PRDM5: variants seen among roughly 807,000 people sequenced by gnomAD.
PRDM5 encodes PR domain zinc finger protein 5.
A neutral mutation model predicts 81.2 loss-of-function variants in PRDM5; 56 were observed. The ratio of observed to expected loss-of-function variants is 0.69; its 90% CI spans 0.56 to 0.86. PRDM5 has a LOEUF of 0.86. Among genes scored for constraint, PRDM5 ranks in the 40% least tolerant of loss-of-function variants. The pLI, the probability that PRDM5 is intolerant of heterozygous loss-of-function variation, is 0.00. For synonymous variants in PRDM5, 267 were observed against 256.4 expected (o/e 1.04, Z -0.39); for missense variants, 697 against 770.1 (o/e 0.91, Z 1.12).
At chr4:120,747,658 C>T (rs1246721330) in intron 14 of PRDM5, among the ~76,000 whole-genome samples, 1 of 152,072 alleles carries the variant, frequency 6.6e-6, no homozygotes, top group Non-Finnish European at 1.5e-5. Flanking sequence ...CCCAGACCTA[C>T]ATCTGAACAA....
chr4:120,888,136 C>G (rs1196512057), intron 2 of PRDM5, among the ~76,000 whole-genome samples: 1 of 152,164 alleles, frequency 6.6e-6, no homozygotes, highest in African/African-American at 2.4e-5. Flanking sequence ...TTTAACTAAA[C>G]TTTTTATTGA....
rs148928719 is a variant in PRDM5 at position 120,719,906 on chromosome 4, T to C, written c.1624-9493A>G. ...ATCAGGGGTTTTGTCTTTCTCTATC[T>C]AGGGGAACTATTTTTGATATCAGGA... is the stretch of plus-strand genomic sequence containing the variant. On this transcript the variant is annotated intron_variant, in intron 14 of 15. Coordinates refer to ENST00000264808, the MANE Select transcript of PRDM5 (RefSeq NM_018699.4). 3.0e-4 allele frequency among the ~76,000 whole-genome samples: 45 copies of C among 152,288 alleles called. No homozygotes were observed. The East Asian group carries it at 5.6e-3, about 19-fold the overall frequency.
intron 2 of PRDM5, among the ~76,000 whole-genome samples, chr4:120,897,780 T>C (rs1764808553): frequency 6.6e-6 from 1 of 152,258 alleles, no homozygotes; most frequent in African/African-American, 2.4e-5. Flanking sequence ...TCTAAATGTA[T>C]AAATTTGCCA....
At chr4:120,845,494 T>C (rs1758553809) in intron 3 of PRDM5, among the ~76,000 whole-genome samples, 1 of 152,216 alleles carries the variant, frequency 6.6e-6, no homozygotes, top group Non-Finnish European at 1.5e-5. Flanking sequence ...GCCTGGATGA[T>C]GGCACTGTCA....
chr4:120,695,133 A>C lies in PRDM5; in HGVS notation c.1871T>G (p.Ile624Ser), dbSNP rs545026669. 9.3e-6 allele frequency: 15 copies of C among 1,613,244 alleles called. No homozygotes were observed. In the South Asian group the frequency reaches 1.6e-4, roughly 18 times the overall value. Residue 624 changes from isoleucine to serine, a missense_variant, in exon 16 of 16, where the codon ATC (isoleucine) becomes AGC (serine). This residue lies in a region of PRDM5 where 34 missense variants were observed against 28.1 expected (regional missense o/e 1.21). Transcript: ENST00000264808. ...NDYLKVHMDN[I>S]HGVADS ...CTATTAGCTGTCAGCTACACCATGG[A>C]TATTGTCCATGTGCACTTTGAGGTA...
At chr4:120,713,482 T>C (rs560937335) in intron 14 of PRDM5, among the ~76,000 whole-genome samples, 4 of 152,184 alleles carry the variant, frequency 2.6e-5, no homozygotes, top group African/African-American at 4.8e-5. Flanking sequence ...ATTTATTTTG[T>C]GCACTACTAT....
chr4:120,904,608 C>T (rs1185525808), intron 2 of PRDM5, among the ~76,000 whole-genome samples: 1 of 152,170 alleles, frequency 6.6e-6, no homozygotes, highest in Admixed American at 6.5e-5. Flanking sequence ...GAGCTGGAGA[C>T]AACTAGTGTG....
intron 15 of PRDM5, among the ~76,000 whole-genome samples, chr4:120,696,402 A>G (rs1734521077): frequency 6.6e-6 from 1 of 151,934 alleles, no homozygotes; most frequent in Non-Finnish European, 1.5e-5. Flanking sequence ...GTCTCTCTCT[A>G]CTCACTAGAG....
chr4:120,880,536 A>G, intron 2 of PRDM5, among the ~76,000 whole-genome samples: 1 of 152,292 alleles, frequency 6.6e-6, no homozygotes, highest in East Asian at 1.9e-4. Flanking sequence ...TGTAACCAAT[A>G]CAAAAATTAT....
chr4:120,873,328 A>G lies in PRDM5; in HGVS notation c.178-19788T>C, dbSNP rs147382876. 4.8e-3 allele frequency among the ~76,000 whole-genome samples: 738 copies of G among 152,262 alleles called. 10 individuals are homozygous for G. Among genetic ancestry groups the G allele is most frequent in the African/African-American group, 0.017 (693 of 41,554 alleles). ...CCACAATTTTTAAGAAGAGAAAAAA[A>G]CAGTATCTATCCCCTCCCTTCACTC... On this transcript the variant is annotated intron_variant, in intron 2 of 15. Coordinates refer to ENST00000264808, the MANE Select transcript of PRDM5 (RefSeq NM_018699.4).
At chr4:120,736,415 C>A (rs1026986328) in intron 14 of PRDM5, among the ~76,000 whole-genome samples, 1 of 152,014 alleles carries the variant, frequency 6.6e-6, no homozygotes, top group South Asian at 2.1e-4. Context: ...CAGAACTAAT[C>A]GATGATTGAT....
intron 10 of PRDM5, among the ~76,000 whole-genome samples, chr4:120,791,931 G>T (rs546513547): frequency 1.3e-5 from 2 of 152,172 alleles, no homozygotes; most frequent in Non-Finnish European, 2.9e-5. Flanking sequence ...AAACCAGGAA[G>T]TGGGCCCTCA....
At chr4:120,832,689 A>G (rs1756866337) in intron 3 of PRDM5, among the ~76,000 whole-genome samples, 1 of 152,084 alleles carries the variant, frequency 6.6e-6, no homozygotes, top group Non-Finnish European at 1.5e-5. Context: ...CAAATATGAG[A>G]AAAAAATTGT....
At chr4:120,702,127 T>C (rs1735477739) in intron 15 of PRDM5, among the ~76,000 whole-genome samples, 1 of 152,202 alleles carries the variant, frequency 6.6e-6, no homozygotes, top group Admixed American at 6.5e-5. Context: ...AAGCCAAAAG[T>C]AACCCACTGC....
downstream of PRDM5, among the ~76,000 whole-genome samples, chr4:120,689,403 T>C (rs1284653554): frequency 6.6e-6 from 1 of 152,006 alleles, no homozygotes; most frequent in Non-Finnish European, 1.5e-5. Flanking sequence ...TGACCCTGCT[T>C]TATATTCTTT....
chr4:120,840,864 C>G (rs1174408395), intron 3 of PRDM5, among the ~76,000 whole-genome samples: 1 of 152,190 alleles, frequency 6.6e-6, no homozygotes, highest in African/African-American at 2.4e-5. Context: ...CAGCCCTCCA[C>G]TGCCATCACT....
intron 2 of PRDM5, among the ~76,000 whole-genome samples, chr4:120,890,632 T>C (rs1288938189): frequency 6.6e-6 from 1 of 152,218 alleles, no homozygotes; most frequent in Admixed American, 6.5e-5. Flanking sequence ...CAGCATGTTT[T>C]TGTTTTTGTT....
At chr4:120,749,385 C>T (rs1360974694) in intron 14 of PRDM5, among the ~76,000 whole-genome samples, 2 of 152,146 alleles carry the variant, frequency 1.3e-5, no homozygotes, top group Non-Finnish European at 2.9e-5. Context: ...ATCTGTTTTC[C>T]ACTGGCTCCA....
intron 2 of PRDM5, among the ~76,000 whole-genome samples, chr4:120,898,210 A>G (rs115639259): frequency 1.1e-4 from 17 of 152,274 alleles, no homozygotes; most frequent in African/African-American, 2.9e-4. Flanking sequence ...CCACAGCCCT[A>G]TGGTGCTTCC....
Sources: gnomAD v4.1 joint callset for allele counts (sites outside exome capture counted in the v4.1 genomes callset) on GRCh38, gnomAD v4.1.1 for gene constraint, gnomAD v4.1.1 regional missense constraint, MANE v1.5 for transcripts, NCBI Gene and HGNC (gene_info 2026-07-23, HGNC 2026-07-21) for gene names.